NEK7: variants seen among roughly 807,000 people sequenced by gnomAD.
NEK7 encodes serine/threonine-protein kinase Nek7.
NEK7 carries 18 observed loss-of-function variants against 44.6 expected under a neutral mutation model. The observed-to-expected ratio is 0.40, with a 90% confidence interval of 0.28 to 0.60. The LOEUF is 0.60. NEK7 is among the 20% of genes least tolerant of loss of function. The pLI is 0.38. For missense variants in NEK7, 256 were observed against 366.5 expected (o/e 0.70, Z 2.46); for synonymous variants, 130 against 121.1 (o/e 1.07, Z -0.48).
chr1:198,195,960 T>C (rs889468027), intron 1 of NEK7, among the ~76,000 whole-genome samples: 3 of 152,242 alleles, frequency 2.0e-5, no homozygotes, highest in African/African-American at 7.2e-5. Flanking sequence ...ATATTTCTTT[T>C]AATAAAAGGT....
chr1:198,185,689 C>G (rs1034583280), intron 1 of NEK7, among the ~76,000 whole-genome samples: 1 of 152,230 alleles, frequency 6.6e-6, no homozygotes, highest in East Asian at 1.9e-4. Context: ...GGTAGTGCTG[C>G]CTGGAATGTC....
intron 5 of NEK7, among the ~76,000 whole-genome samples, chr1:198,266,545 G>C (rs919411000): frequency 1.3e-5 from 2 of 151,896 alleles, no homozygotes; most frequent in African/African-American, 4.8e-5. Flanking sequence ...GGGTTATAAG[G>C]GATGATTATA....
At chr1:198,235,163 A>G (rs189311755) in intron 2 of NEK7, among the ~76,000 whole-genome samples, 1 of 152,228 alleles carries the variant, frequency 6.6e-6, no homozygotes, top group Non-Finnish European at 1.5e-5. Context: ...TCAAATACCA[A>G]TTCCCTGTTA....
chr1:198,289,145 G>A (rs1044139616), intron 7 of NEK7, among the ~76,000 whole-genome samples: 2 of 125,052 alleles, frequency 1.6e-5, no homozygotes, highest in African/African-American at 5.3e-5. Context: ...GTGTGTGTGT[G>A]TGTGTGTGTG....
chr1:198,170,932 A>C (rs1664421240), intron 1 of NEK7, among the ~76,000 whole-genome samples: 1 of 152,142 alleles, frequency 6.6e-6, no homozygotes, highest in African/African-American at 2.4e-5. Flanking sequence ...TCTTAAAAAA[A>C]AATGTTTTTT....
chr1:198,252,544 A>ATATATG (rs1293968641), intron 2 of NEK7, among the ~76,000 whole-genome samples: 2 of 57,898 alleles, frequency 3.5e-5, no homozygotes, highest in African/African-American at 3.0e-4. Flanking sequence ...ATATATATAT[A>ATATATG]TATATATATA....
intron 1 of NEK7, among the ~76,000 whole-genome samples, chr1:198,179,809 GTGTGTA>G (rs55849981): frequency 0.044 from 6,511 of 147,440 alleles, 223 homozygotes; most frequent in Non-Finnish European, 0.061. Context: ...GTGTGTGTGT[GTGTGTA>G]TGTATGTGTG....
intron 1 of NEK7, among the ~76,000 whole-genome samples, chr1:198,186,993 T>G (rs1371575155): frequency 6.6e-6 from 1 of 152,232 alleles, no homozygotes; most frequent in Admixed American, 6.5e-5. Context: ...CAGTATGTTA[T>G]GCATTATGAC....
chr1:198,293,063 A>G (rs916318556), intron 8 of NEK7, 24 bp downstream of exon 8: 3 of 1,178,544 alleles, frequency 2.5e-6, no homozygotes, highest in African/African-American at 1.5e-5. Flanking sequence ...ATAAATTCCA[A>G]ATATTGATGC....
chr1:198,243,290 T>C (rs1206473070), intron 2 of NEK7, among the ~76,000 whole-genome samples: 1 of 152,178 alleles, frequency 6.6e-6, no homozygotes, highest in Non-Finnish European at 1.5e-5. Context: ...AGAATAAATA[T>C]TAGATATTAT....
chr1:198,225,269 A>T (rs1050879905), intron 1 of NEK7, among the ~76,000 whole-genome samples: 1 of 151,762 alleles, frequency 6.6e-6, no homozygotes, highest in Non-Finnish European at 1.5e-5. Context: ...AAAAAAAAAA[A>T]ATTCAGGTCT....
intron 5 of NEK7, among the ~76,000 whole-genome samples, chr1:198,267,312 T>C (rs928679373): frequency 2.6e-5 from 4 of 151,568 alleles, no homozygotes; most frequent in Admixed American, 6.6e-5. Context: ...TTCAAGAAAC[T>C]TATTTTCCAG....
intron 7 of NEK7, among the ~76,000 whole-genome samples, chr1:198,282,889 G>A (rs1654251155): frequency 6.6e-6 from 1 of 152,122 alleles, no homozygotes; most frequent in African/African-American, 2.4e-5. Context: ...TTACCTTATG[G>A]TGGGAGGAAA....
At chr1:198,216,017 A>G (rs1346391914) in intron 1 of NEK7, among the ~76,000 whole-genome samples, 1 of 152,108 alleles carries the variant, frequency 6.6e-6, no homozygotes, top group Non-Finnish European at 1.5e-5. Context: ...AATTTAACAA[A>G]GAAACACTGG....
At chr1:198,219,308 GTATA>G (rs927205102) in intron 1 of NEK7, among the ~76,000 whole-genome samples, 1 of 149,910 alleles carries the variant, frequency 6.7e-6, no homozygotes, top group Non-Finnish European at 1.5e-5. Context: ...TAAAATATGT[GTATA>G]TATATGTGTG....
intron 1 of NEK7, among the ~76,000 whole-genome samples, chr1:198,217,507 T>A (rs1665954885): frequency 6.6e-6 from 1 of 152,040 alleles, no homozygotes; most frequent in South Asian, 2.1e-4. Context: ...GTTAAAAGCA[T>A]TCCCCCTAAG....
chr1:198,209,987 G>A (rs7531948), intron 1 of NEK7, among the ~76,000 whole-genome samples: 30,044 of 151,762 alleles, frequency 0.2, 3,540 homozygotes, highest in African/African-American at 0.31. Flanking sequence ...TAGTAGAGAC[G>A]GGGTTTCACC....
At chr1:198,176,403 G>A (rs925819851) in intron 1 of NEK7, among the ~76,000 whole-genome samples, 1 of 152,184 alleles carries the variant, frequency 6.6e-6, no homozygotes, top group African/African-American at 2.4e-5. Context: ...GTCTGTGTCA[G>A]AGGCACATAG....
intron 2 of NEK7, 140 bp downstream of exon 2, chr1:198,232,777 A>AT (rs3084926): frequency 0.016 from 6,333 of 386,344 alleles, 1 homozygote; most frequent in Non-Finnish European, 0.023. Flanking sequence ...TTTAATCAGC[A>AT]TTTTTTTTTT....
Sources: gnomAD v4.1 joint callset for allele counts (sites outside exome capture counted in the v4.1 genomes callset) on GRCh38, gnomAD v4.1.1 for gene constraint, MANE v1.5 for transcripts, NCBI Gene and HGNC (gene_info 2026-07-23, HGNC 2026-07-21) for gene names.